Variants in MRTFB observed in about 807,000 individuals in gnomAD.
The protein encoded by MRTFB is myocardin related transcription factor B.
MRTFB carries 29 observed loss-of-function variants against 104.2 expected under a neutral mutation model. The ratio of observed to expected loss-of-function variants is 0.28; its 90% CI spans 0.21 to 0.38. The LOEUF (loss-of-function observed/expected upper bound fraction) is 0.38. Ranked by LOEUF, MRTFB falls within the 10% of genes least tolerant of loss-of-function variation. The pLI, the probability that MRTFB is intolerant of heterozygous loss-of-function variation, is 1.00. For synonymous variants in MRTFB, 535 were observed against 519.5 expected (o/e 1.03, Z -0.41); for missense variants, 1,270 against 1,341.6 (o/e 0.95, Z 0.83).
intron 4 of MRTFB, 60 bp downstream of exon 4, chr16:14,210,368 G>A: frequency 1.5e-6 from 2 of 1,302,770 alleles, no homozygotes; most frequent in Non-Finnish European, 2.2e-6. Flanking sequence ...GCGTGTCCAA[G>A]AAGAGCCTGC....
At chr16:14,254,572 C>G (rs917036127) in intron 15 of MRTFB, among the ~76,000 whole-genome samples, 5 of 152,250 alleles carry the variant, frequency 3.3e-5, no homozygotes, top group Admixed American at 3.3e-4. Flanking sequence ...TGGCTGACCC[C>G]TAAGCCATAC....
At chr16:14,251,456 T>G (rs2043253084) in intron 13 of MRTFB, among the ~76,000 whole-genome samples, 1 of 151,598 alleles carries the variant, frequency 6.6e-6, no homozygotes, top group Non-Finnish European at 1.5e-5. Flanking sequence ...CAGCTATCAT[T>G]TAAGAGGAGA....
At chr16:14,038,233 C>T in the MRTFB span, among the ~76,000 whole-genome samples, 1 of 152,086 alleles carries the variant, frequency 6.6e-6, no homozygotes, top group Non-Finnish European at 1.5e-5. Context: ...CTAACTACCT[C>T]TTATTATAAA....
At position 14,076,914 on chromosome 16, in the gene MRTFB, AG is replaced by A. The variant is rs376439736; in HGVS notation, c.-128-2374del. ...GGTGAGCATCTTTTCATGTGCCTAA[AG>A]GCTATTTGTATTCCTTTTTCTGTGA... On this transcript the variant is annotated intron_variant, in intron 1 of 16. Transcript: ENST00000571589. Among the ~76,000 whole-genome samples, 318 of 152,288 alleles carry A rather than the reference AG, an allele frequency of 2.1e-3. 1 individual carries two copies. The highest frequency in any genetic ancestry group is 7.1e-3 in the African/African-American group (293 of 41,560).
chr16:14,220,843 A>T (rs1383164125), intron 8 of MRTFB, among the ~76,000 whole-genome samples: 5 of 152,190 alleles, frequency 3.3e-5, no homozygotes, highest in Non-Finnish European at 7.3e-5. Flanking sequence ...CTATGTATAC[A>T]TTCAAGAAAA....
chr16:14,143,706 A>C (rs1056816264), intron 3 of MRTFB: 1 of 151,800 alleles, frequency 6.6e-6, no homozygotes, highest in Non-Finnish European at 1.5e-5. Context: ...CATTCACAAA[A>C]CAGTTTTTTT....
chr16:14,188,339 G>C (rs937389595), intron 3 of MRTFB, among the ~76,000 whole-genome samples: 1 of 152,292 alleles, frequency 6.6e-6, no homozygotes, highest in African/African-American at 2.4e-5. Context: ...TCAAGTTCAA[G>C]TGTCAAGCTC....
chr16:14,126,328 C>T (rs57510480), intron 2 of MRTFB, among the ~76,000 whole-genome samples: 8,707 of 152,140 alleles, frequency 0.057, 491 homozygotes, highest in East Asian at 0.29. Flanking sequence ...ATTTCAACCT[C>T]TGTTACTTTA....
At chr16:14,078,667 C>A (rs539323708) in intron 1 of MRTFB, among the ~76,000 whole-genome samples, 1 of 151,546 alleles carries the variant, frequency 6.6e-6, no homozygotes, top group Non-Finnish European at 1.5e-5. Flanking sequence ...AGGGCTCAAG[C>A]GATTTGCCCA....
intron 8 of MRTFB, among the ~76,000 whole-genome samples, chr16:14,224,606 T>TAA (rs142194919): frequency 0.054 from 8,177 of 152,252 alleles, 384 homozygotes; most frequent in Admixed American, 0.15. Flanking sequence ...ACTGGTCACC[T>TAA]ACAAGGAATC....
chr16:14,230,875 A>G (rs1482052178), intron 8 of MRTFB, among the ~76,000 whole-genome samples: 1 of 151,154 alleles, frequency 6.6e-6, no homozygotes, highest in African/African-American at 2.5e-5. Context: ...AAAGACTTGG[A>G]ACCAACCCAA....
Position 14,183,865 on chromosome 16 carries a change from A to G in MRTFB, c.155-26378A>G, listed in dbSNP as rs574706714. ...TTTTCTTATTGGGATTTTGAGATCT[A>G]TTAGATACAAAAATAAGCATGCAGA... On this transcript the variant is annotated intron_variant, in intron 3 of 16. Coordinates refer to ENST00000571589, the MANE Select transcript of MRTFB (RefSeq NM_001308142.2). Among the ~76,000 whole-genome samples the G allele has an allele frequency of 2.9e-4, 44 of 152,218 alleles. No homozygotes were observed. In the Middle Eastern group the frequency reaches 0.01, roughly 35 times the overall value.
intron 3 of MRTFB, among the ~76,000 whole-genome samples, chr16:14,175,088 G>T (rs1354026535): frequency 1.3e-5 from 2 of 151,902 alleles, no homozygotes; most frequent in Non-Finnish European, 2.9e-5. Context: ...ACTGTTTCAG[G>T]GTTATTGTGT....
chr16:14,106,933 T>A (rs1431084388), intron 2 of MRTFB, among the ~76,000 whole-genome samples: 1 of 152,228 alleles, frequency 6.6e-6, no homozygotes, highest in Non-Finnish European at 1.5e-5. Context: ...CATACAGGTT[T>A]TCAGTATATC....
At chr16:14,050,029 G>A in the MRTFB span, among the ~76,000 whole-genome samples, 1 of 152,186 alleles carries the variant, frequency 6.6e-6, no homozygotes, top group South Asian at 2.1e-4. Flanking sequence ...CACCACGCCT[G>A]GCCAGGAATT....
chr16:14,192,298 C>G (rs1324633623), intron 3 of MRTFB, among the ~76,000 whole-genome samples: 1 of 152,026 alleles, frequency 6.6e-6, no homozygotes, highest in East Asian at 1.9e-4. Flanking sequence ...CCCTTGAACC[C>G]AGGAGTTTGA....
intron 8 of MRTFB, among the ~76,000 whole-genome samples, chr16:14,231,063 C>T (rs1023619600): frequency 1.3e-5 from 2 of 149,680 alleles, no homozygotes; most frequent in African/African-American, 5.0e-5. Context: ...TATTCTCACT[C>T]ATAGGTGGGA....
the MRTFB span, among the ~76,000 whole-genome samples, chr16:14,004,275 G>A: frequency 2.6e-5 from 4 of 152,256 alleles, no homozygotes; most frequent in Admixed American, 6.5e-5. Context: ...TCCCAAAGCC[G>A]CCCATCCTGT....
At chr16:14,030,451 C>T in the MRTFB span, among the ~76,000 whole-genome samples, 1 of 152,144 alleles carries the variant, frequency 6.6e-6, no homozygotes, top group Admixed American at 6.5e-5. Context: ...ATTCCATCAT[C>T]TGTGAAATGG....
Sources: gnomAD v4.1 joint callset for allele counts (sites outside exome capture counted in the v4.1 genomes callset) on GRCh38, gnomAD v4.1.1 for gene constraint, MANE v1.5 for transcripts, NCBI Gene and HGNC (gene_info 2026-07-23, HGNC 2026-07-21) for gene names.